Variants in KLF3 observed in about 807,000 individuals in gnomAD.
KLF3 encodes Krueppel-like factor 3.
Under a neutral mutation model 32.7 loss-of-function variants are expected in KLF3, and 6 were observed. The ratio of observed to expected loss-of-function variants is 0.18; its 90% CI spans 0.10 to 0.36. The LOEUF (loss-of-function observed/expected upper bound fraction) is 0.36. Ranked by LOEUF, KLF3 falls within the 10% of genes least tolerant of loss-of-function variation. KLF3 has a pLI of 1.00. For missense variants in KLF3, 338 were observed against 449.7 expected (o/e 0.75, Z 2.25); for synonymous variants, 145 against 172.8 (o/e 0.84, Z 1.26).
In KLF3 at chr4:38,689,074, A is replaced by G; in HGVS notation, c.544+3A>G. 1 of 1,612,316 alleles carries G rather than the reference A, an allele frequency of 6.2e-7. No homozygotes were observed. Among genetic ancestry groups the G allele is most frequent in the Non-Finnish European group, 8.5e-7 (1 of 1,178,380 alleles). On this transcript the variant is annotated splice_donor_region_variant and intron_variant, in intron 3 of 5. Coordinates refer to ENST00000261438, the MANE Select transcript of KLF3 (RefSeq NM_016531.6). ...AAATTCCAGTAGTAGCATGCAAGGT[A>G]AATTCCGCCACTGCTCCATGCTGCT... is the stretch of plus-strand genomic sequence containing the variant.
Position 38,699,600 on chromosome 4 carries a change from C to G in KLF3, c.*2337C>G, listed in dbSNP as rs535973575. 6.6e-6 allele frequency: 1 copy of G among 152,312 alleles called. No homozygotes were observed. The highest frequency in any genetic ancestry group is 2.1e-4 in the South Asian group (1 of 4,826). 9.4% of individuals were successfully genotyped at this position (152,312 alleles called of 1,614,324 possible). On this transcript the variant is annotated 3_prime_UTR_variant, in exon 6 of 6. Coordinates refer to ENST00000261438, the MANE Select transcript of KLF3 (RefSeq NM_016531.6). ...TCATGGGCATCTCATGGAATTGATGCATTTGCTGTGGCATATTTAAATTTT... is the reference window on the plus strand; with the variant it reads ...TCATGGGCATCTCATGGAATTGATGGATTTGCTGTGGCATATTTAAATTTT...
chr4:38,680,756 T>TGG (rs1722497613), intron 2 of KLF3, 74 bp downstream of exon 2: 7 of 1,232,194 alleles, frequency 5.7e-6, no homozygotes, highest in African/African-American at 1.5e-5. Flanking sequence ...GTTGAATTAT[T>TGG]CCTTGAAATC....
In KLF3 at chr4:38,700,116, T is replaced by G. The variant is rs1560422594; in HGVS notation, c.*2853T>G. The G allele has an allele frequency of 6.6e-6, 1 of 152,360 alleles. No homozygotes were observed. Among genetic ancestry groups the G allele is most frequent in the Non-Finnish European group, 1.5e-5 (1 of 68,038 alleles). The allele number at this position is 152,360 out of a possible 1,614,324, so 9.4% of individuals were successfully genotyped here. A position where few individuals can be genotyped will look rare whatever the true frequency, so the allele number is the denominator to read the frequency against. On this transcript the variant is annotated 3_prime_UTR_variant, in exon 6 of 6. Coordinates refer to ENST00000261438, the MANE Select transcript of KLF3 (RefSeq NM_016531.6). ...CAGAATCCATCGTATTTTAGAGTTATGTGAATCTACATCATAAATGGGCAT... is the reference window on the plus strand; with the variant it reads ...CAGAATCCATCGTATTTTAGAGTTAGGTGAATCTACATCATAAATGGGCAT...
intron 3 of KLF3, 30 bp from the exon 4 acceptor site, chr4:38,689,699 T>C: frequency 6.6e-7 from 1 of 1,521,770 alleles, no homozygotes; most frequent in Non-Finnish European, 8.9e-7. Context: ...AAACTGTACG[T>C]GAAGTGACTT....
In KLF3 at chr4:38,674,903, C is replaced by T. The variant is rs75067561; in HGVS notation, c.-39-5684C>T. ...AATCATGCTCTAGCCTCCAGGCAAG[C>T]TGCTTTCAGAGGAGGTTTAGTAACC... On this transcript the variant is annotated intron_variant, in intron 1 of 5. Coordinates refer to ENST00000261438, the MANE Select transcript of KLF3 (RefSeq NM_016531.6). This position sits in a 1 kb window ranked among gnomAD's most constrained non-coding sequence, Gnocchi z 4.1. Among the ~76,000 whole-genome samples the T allele has an allele frequency of 0.064, 9,805 of 152,288 alleles. 363 individuals carry two copies. The highest frequency in any genetic ancestry group is 0.069 in the Non-Finnish European group (4,713 of 68,020).
At chr4:38,682,124 C>T (rs1489975088) in intron 2 of KLF3, among the ~76,000 whole-genome samples, 1 of 152,184 alleles carries the variant, frequency 6.6e-6, no homozygotes, top group Non-Finnish European at 1.5e-5. Flanking sequence ...AGTGGTGTGA[C>T]CTCAGCTCAC....
intron 2 of KLF3, among the ~76,000 whole-genome samples, chr4:38,683,346 G>A (rs553284419): frequency 2.0e-5 from 3 of 152,112 alleles, no homozygotes; most frequent in Admixed American, 6.6e-5. Flanking sequence ...TTTTGCTATA[G>A]GTTAGAGAAA....
intron 1 of KLF3, among the ~76,000 whole-genome samples, chr4:38,665,916 C>T (rs929057921): frequency 2.0e-5 from 3 of 152,164 alleles, no homozygotes; most frequent in Admixed American, 1.3e-4. Context: ...GCATTAATAT[C>T]TACAAATTTT....
rs1334690588 is a variant in KLF3 at position 38,688,628 on chromosome 4, A to G, written c.101A>G (p.Tyr34Cys). 1 of 1,613,786 alleles carries G rather than the reference A, an allele frequency of 6.2e-7. No homozygotes were observed. Among genetic ancestry groups the G allele is most frequent in the East Asian group, 2.2e-5 (1 of 44,866 alleles). The change falls in exon 3 of 6, where the codon TAT (tyrosine) becomes TGT (cysteine). Residue 34 changes from tyrosine to cysteine, a missense_variant. Tyr to Cys is a radical substitution (Grantham distance 194). Coordinates refer to ENST00000261438, the MANE Select transcript of KLF3 (RefSeq NM_016531.6). The surrounding 1 kb of genome is among the most constrained non-coding windows in gnomAD (Gnocchi z 4.9). ...NYMESMKPNK[Y>C]GVIYSTPLPE... ...ATGGAATCCATGAAGCCTAACAAGT[A>G]TGGGGTCATCTACTCCACACCATTG... is the stretch of plus-strand genomic sequence containing the variant.
intron 4 of KLF3, chr4:38,690,162 T>C (rs1249447209): frequency 5.2e-6 from 2 of 386,430 alleles, no homozygotes; most frequent in Non-Finnish European, 9.2e-6. Flanking sequence ...TTGTTTTTTT[T>C]CCATTCTTCC....
chr4:38,687,934 G>C (rs1171982612), intron 2 of KLF3, among the ~76,000 whole-genome samples: 1 of 152,174 alleles, frequency 6.6e-6, no homozygotes, highest in African/African-American at 2.4e-5. Context: ...AACTAGCACA[G>C]TTCCACGCTG....
intron 1 of KLF3, among the ~76,000 whole-genome samples, chr4:38,669,609 T>C (rs1365227878): frequency 6.6e-6 from 1 of 152,046 alleles, no homozygotes; most frequent in Non-Finnish European, 1.5e-5. Flanking sequence ...AATAGTGTCC[T>C]CGGCCGGGCG....
intron 1 of KLF3, among the ~76,000 whole-genome samples, chr4:38,672,776 G>A (rs1451894206): frequency 1.3e-5 from 2 of 152,152 alleles, no homozygotes; most frequent in Admixed American, 1.3e-4. Flanking sequence ...AGGGGTGAGG[G>A]CTGGACTGGA....
At position 38,689,012 on chromosome 4, in the gene KLF3, A is replaced by G. The variant is rs747055477; in HGVS notation, c.485A>G (p.Gln162Arg). ...PVPFMYTSHL[Q>R]QPLMVSLSEE... Reference sequence around the variant, plus strand: ...CCCTTTATGTACACAAGTCACCTCCAGCAGCCTCTCATGGTCTCCTTATCG... The same window carrying G: ...CCCTTTATGTACACAAGTCACCTCCGGCAGCCTCTCATGGTCTCCTTATCG... The change falls in exon 3 of 6, where the codon CAG becomes CGG. Residue 162 changes from glutamine to arginine, a missense_variant. This residue lies in a region of KLF3 where 272 missense variants were observed against 313.4 expected (regional missense o/e 0.87). Coordinates refer to ENST00000261438, the MANE Select transcript of KLF3 (RefSeq NM_016531.6). 3.7e-6 allele frequency: 6 copies of G among 1,614,254 alleles called. No individual in the cohort carries two copies. The highest frequency in any genetic ancestry group is 5.1e-6 in the Non-Finnish European group (6 of 1,180,050).
At position 38,699,565 on chromosome 4, in the gene KLF3, G is replaced by A. The variant is rs1445275212; in HGVS notation, c.*2302G>A. 1 of 152,252 alleles carries A rather than the reference G, an allele frequency of 6.6e-6. No individual in the cohort carries two copies. The highest frequency in any genetic ancestry group is 1.5e-5 in the Non-Finnish European group (1 of 68,046). The allele number at this position is 152,252 out of a possible 1,614,324, so 9.4% of individuals were successfully genotyped here. ...GGGATCAGCTTTGAGCCTGAGTTCA[G>A]TGAATAGCCTCATGGGCATCTCATG... On this transcript the variant is annotated 3_prime_UTR_variant, in exon 6 of 6. Transcript: ENST00000261438.
chr4:38,686,443 CAAAAAAA>C (rs61128677), intron 2 of KLF3, among the ~76,000 whole-genome samples: 1 of 100,958 alleles, frequency 9.9e-6, no homozygotes, highest in Non-Finnish European at 2.0e-5. Flanking sequence ...GACCCTATCT[CAAAAAAA>C]AAAAAAAAAA....
intron 2 of KLF3, among the ~76,000 whole-genome samples, chr4:38,684,198 C>T (rs1722620003): frequency 6.6e-6 from 1 of 152,202 alleles, no homozygotes; most frequent in Non-Finnish European, 1.5e-5. Context: ...ATCACCTTAG[C>T]ATAAAGTGAT....
chr4:38,696,629 T>A lies in KLF3; in HGVS notation c.857-453T>A, dbSNP rs150664456. On this transcript the variant is annotated intron_variant, in intron 5 of 5. Coordinates refer to ENST00000261438, the MANE Select transcript of KLF3 (RefSeq NM_016531.6). ...TAAGATGTTAATCCCTAACAGATAC[T>A]TCAGTTGTTAGAGACTTCATATTTT... 3.3e-5 allele frequency among the ~76,000 whole-genome samples: 5 copies of A among 152,364 alleles called. No individual in the cohort carries two copies. The East Asian group carries it at 7.7e-4, about 24-fold the overall frequency.
chr4:38,678,374 C>T (rs1461677236), intron 1 of KLF3, among the ~76,000 whole-genome samples: 3 of 152,164 alleles, frequency 2.0e-5, no homozygotes, highest in Non-Finnish European at 2.9e-5. Flanking sequence ...GCGTTTTCAT[C>T]CCTCATTACG....
Sources: allele counts gnomAD v4.1 joint callset (sites outside exome capture counted in the v4.1 genomes callset), GRCh38; gene constraint gnomAD v4.1.1; regional missense constraint gnomAD v4.1.1; non-coding constraint Gnocchi (gnomAD v3.1); transcripts MANE v1.5; gene names NCBI Gene and HGNC (gene_info 2026-07-23, HGNC 2026-07-21).